Variants in KHDRBS3 observed in about 807,000 individuals in gnomAD.
The protein encoded by KHDRBS3 is KH domain-containing, RNA-binding, signal transduction-associated protein 3.
A neutral mutation model predicts 45.6 loss-of-function variants in KHDRBS3; 23 were observed. That is an observed-to-expected ratio of 0.50 (90% CI 0.36 to 0.72). The LOEUF (loss-of-function observed/expected upper bound fraction) is 0.72, where lower values mean the gene tolerates loss of function less well. Among genes scored for constraint, KHDRBS3 ranks in the 30% least tolerant of loss-of-function variants. KHDRBS3 has a pLI of 0.00. For missense variants in KHDRBS3, 352 were observed against 424.8 expected, an observed-to-expected ratio of 0.83 and a Z score of 1.51; for synonymous variants, 162 against 156.5, an observed-to-expected ratio of 1.04 and a Z score of -0.26.
At chr8:135,588,402 G>A (rs542815650) in intron 6 of KHDRBS3, among the ~76,000 whole-genome samples, 5 of 152,232 alleles carry the variant, frequency 3.3e-5, no homozygotes, top group Non-Finnish European at 4.4e-5. Flanking sequence ...GCCTGCAGGC[G>A]CTCCAAACCC....
In KHDRBS3 at chr8:135,513,610, ATTAC is replaced by A. The variant is rs1824420766; in HGVS notation, c.89-7623_89-7620del. Among the ~76,000 whole-genome samples the A allele has an allele frequency of 2.0e-5, 3 of 152,236 alleles. No homozygotes were observed. The South Asian group carries it at 6.2e-4, about 32-fold the overall frequency. On this transcript the variant is annotated intron_variant, in intron 1 of 8. Coordinates refer to ENST00000355849, the MANE Select transcript of KHDRBS3 (RefSeq NM_006558.3). ...TTTTTTTACTGAGAAAGTTCTTCTT[ATTAC>A]TTAGCCGTTAAGAATTCAACAATCA...
intron 2 of KHDRBS3, among the ~76,000 whole-genome samples, chr8:135,537,942 G>T (rs1825857824): frequency 6.6e-6 from 1 of 152,150 alleles, no homozygotes; most frequent in African/African-American, 2.4e-5. Context: ...GATAAGGGGA[G>T]ATTTTATTTG....
intron 1 of KHDRBS3, among the ~76,000 whole-genome samples, chr8:135,507,749 G>A (rs769708857): frequency 5.1e-4 from 77 of 152,136 alleles, no homozygotes; most frequent in Non-Finnish European, 9.7e-4. Flanking sequence ...TCTTTAAATT[G>A]ATATGAGAAG....
chr8:135,472,147 T>G (rs6997956), intron 1 of KHDRBS3, among the ~76,000 whole-genome samples: 1 of 152,016 alleles, frequency 6.6e-6, no homozygotes, highest in Non-Finnish European at 1.5e-5. Context: ...GATACTGATT[T>G]TGAGGAGAGA....
chr8:135,637,270 G>GT (rs1830852002), intron 7 of KHDRBS3, among the ~76,000 whole-genome samples: 1 of 152,106 alleles, frequency 6.6e-6, no homozygotes, highest in African/African-American at 2.4e-5. Flanking sequence ...TAGTCCCAAA[G>GT]TTTATTTTAA....
intron 7 of KHDRBS3, among the ~76,000 whole-genome samples, chr8:135,608,857 A>G (rs980060330): frequency 1.3e-5 from 2 of 152,210 alleles, no homozygotes; most frequent in Non-Finnish European, 2.9e-5. Context: ...CAGGCAGTGG[A>G]CACACAATGG....
intron 1 of KHDRBS3, among the ~76,000 whole-genome samples, chr8:135,486,962 A>C (rs1484086405): frequency 6.6e-6 from 1 of 152,210 alleles, no homozygotes; most frequent in Non-Finnish European, 1.5e-5. Flanking sequence ...TGTTTGGACA[A>C]AATTATTTTT....
At chr8:135,636,171 G>A (rs1394624017) in intron 7 of KHDRBS3, among the ~76,000 whole-genome samples, 1 of 152,086 alleles carries the variant, frequency 6.6e-6, no homozygotes. Context: ...GCAGCTAGTT[G>A]GCCTCACAAT....
At chr8:135,534,403 G>A (rs1018796091) in intron 2 of KHDRBS3, among the ~76,000 whole-genome samples, 2 of 151,828 alleles carry the variant, frequency 1.3e-5, no homozygotes, top group Non-Finnish European at 2.9e-5. Flanking sequence ...AATTTCAGTT[G>A]GTATTTGTCA....
chr8:135,553,000 T>G (rs1826686871), intron 4 of KHDRBS3, among the ~76,000 whole-genome samples: 1 of 152,202 alleles, frequency 6.6e-6, no homozygotes, highest in Non-Finnish European at 1.5e-5. Context: ...TGCACTCACC[T>G]TCAGGAAAGG....
At chr8:135,608,250 C>A (rs948762181) in intron 7 of KHDRBS3, among the ~76,000 whole-genome samples, 9 of 152,186 alleles carry the variant, frequency 5.9e-5, no homozygotes, top group Admixed American at 5.9e-4. Context: ...GTCAGATATT[C>A]TAACTCAAAG....
intron 7 of KHDRBS3, among the ~76,000 whole-genome samples, chr8:135,610,836 C>T (rs1829679495): frequency 6.6e-6 from 1 of 151,700 alleles, no homozygotes; most frequent in Non-Finnish European, 1.5e-5. Context: ...ATATGTGGCA[C>T]ACAGGAGCTG....
intron 6 of KHDRBS3, among the ~76,000 whole-genome samples, chr8:135,583,614 C>A (rs930284244): frequency 1.5e-4 from 23 of 152,072 alleles, no homozygotes; most frequent in Admixed American, 8.5e-4. Context: ...GATCCTATAC[C>A]CCATTTTACC....
chr8:135,493,410 T>G (rs1175985122), intron 1 of KHDRBS3, among the ~76,000 whole-genome samples: 1 of 152,176 alleles, frequency 6.6e-6, no homozygotes, highest in East Asian at 1.9e-4. Flanking sequence ...TCTTTCATCA[T>G]TAATTGTGAT....
Position 135,582,029 on chromosome 8 carries a change from A to G in KHDRBS3, c.763A>G (p.Arg255Gly). The change falls in exon 6 of 9, where the codon AGA (arginine) becomes GGA (glycine). Residue 255 changes from arginine (R) to glycine (G), a missense_variant. By Grantham distance (125) the Arg-to-Gly change is moderately radical. Around this residue, in one of 6 missense-constraint regions of KHDRBS3, gnomAD observed 212 missense variants for 209.6 expected, o/e 1.01. Transcript: ENST00000355849. ...RARGVPPTGY[R>G]PPPPPPTQET... ...AAGAGGAGTCCCCCCAACTGGGTAC[A>G]GACCTCCACCGCCACCCCCGACACA... 1 of 1,601,548 alleles carries G rather than the reference A, an allele frequency of 6.2e-7. No individual in the cohort carries two copies. The highest frequency in any genetic ancestry group is 8.5e-7 in the Non-Finnish European group (1 of 1,172,354).
At chr8:135,596,444 A>T (rs554125859) in intron 6 of KHDRBS3, among the ~76,000 whole-genome samples, 45 of 152,212 alleles carry the variant, frequency 3.0e-4, no homozygotes, top group Non-Finnish European at 5.1e-4. Flanking sequence ...CAGAGAATGC[A>T]CTGATGGTCA....
rs138429826 is a variant in KHDRBS3 at position 135,647,052 on chromosome 8, G to A, written c.1009G>A (p.Val337Ile). 60 of 1,608,496 alleles carry A rather than the reference G, an allele frequency of 3.7e-5. No individual in the cohort carries two copies. The highest frequency in any genetic ancestry group is 5.0e-5 in the Admixed American group (3 of 59,992). Residue 337 changes from valine to isoleucine, a missense_variant, in exon 9 of 9, where the codon GTC becomes ATC. Coordinates refer to ENST00000355849, the MANE Select transcript of KHDRBS3 (RefSeq NM_006558.3). The part of the protein sequence containing the change: ...KAPSARTAKG[V>I]YRDQPYGRY The stretch of plus-strand genomic sequence containing the variant: ...ACCTTCAGCGAGGACAGCAAAGGGC[G>A]TCTACAGAGACCAGCCATATGGCAG...
Position 135,457,947 on chromosome 8 carries a change from G to T in KHDRBS3, c.81G>T (p.Val27=). The T allele has an allele frequency of 6.3e-7, 1 of 1,595,424 alleles. No individual in the cohort carries two copies. The stretch of plus-strand genomic sequence containing the variant: ...CCTTCACGCACGCCCTGCGCCTGGT[G>T]AACCAAGGTGAGGCGCCGGCCGTTA... ...DPSFTHALRL[V]NQEIEKFQKG... Residue 27 remains valine (V), a synonymous_variant, in exon 1 of 9, where the codon GTG becomes GTT. Transcript: ENST00000355849. This position sits in a 1 kb window ranked among gnomAD's most constrained non-coding sequence, Gnocchi z 4.4.
chr8:135,553,755 T>C (rs1173445278), intron 4 of KHDRBS3, among the ~76,000 whole-genome samples: 4 of 152,214 alleles, frequency 2.6e-5, no homozygotes, highest in African/African-American at 9.6e-5. Flanking sequence ...TTGAATAGAT[T>C]GTAAGCTCAC....
Sources: allele counts gnomAD v4.1 joint callset (sites outside exome capture counted in the v4.1 genomes callset), GRCh38; gene constraint gnomAD v4.1.1; regional missense constraint gnomAD v4.1.1; non-coding constraint Gnocchi (gnomAD v3.1); transcripts MANE v1.5; gene names NCBI Gene and HGNC (gene_info 2026-07-23, HGNC 2026-07-21).